The following ENOX1 variants were observed in gnomAD, a reference collection of about 807,000 sequenced individuals.
ENOX1 encodes the protein candidate growth-related and time keeping constitutive hydroquinone (NADH) oxidase.
In ENOX1, 42 loss-of-function variants were observed where a neutral mutation model predicts 82.5. The ratio of observed to expected loss-of-function variants is 0.51; its 90% CI spans 0.40 to 0.66. The LOEUF (loss-of-function observed/expected upper bound fraction) is 0.66. ENOX1 is among the 30% of genes least tolerant of loss of function. The probability of loss-of-function intolerance (pLI) is 0.00; values close to 1 mark genes in which losing one functional copy is unlikely to be tolerated. For synonymous variants in ENOX1, 271 were observed against 282.2 expected, an observed-to-expected ratio of 0.96 and a Z score of 0.40; for missense variants, 608 against 811.6, an observed-to-expected ratio of 0.75 and a Z score of 3.05.
chr13:43,441,302 A>G (rs559174279), intron 3 of ENOX1, among the ~76,000 whole-genome samples: 5 of 152,292 alleles, frequency 3.3e-5, no homozygotes, highest in African/African-American at 1.2e-4. Context: ...TTAACTAATG[A>G]CTCCAGTTAA....
intron 2 of ENOX1, among the ~76,000 whole-genome samples, chr13:43,641,682 G>A (rs1207867424): frequency 2.0e-5 from 3 of 151,408 alleles, no homozygotes; most frequent in South Asian, 2.1e-4. Context: ...ACAGGCACCC[G>A]CCACCATGTC....
chr13:43,442,752 G>A (rs548627505), intron 3 of ENOX1, among the ~76,000 whole-genome samples: 1 of 152,100 alleles, frequency 6.6e-6, no homozygotes, highest in Admixed American at 6.6e-5. Flanking sequence ...AGTTCTTCTT[G>A]CAAATCAAGG....
intron 1 of ENOX1, among the ~76,000 whole-genome samples, chr13:43,705,489 A>G (rs2087215656): frequency 6.6e-6 from 1 of 151,932 alleles, no homozygotes; most frequent in African/African-American, 2.4e-5. Context: ...GAATGAAAAA[A>G]ATACATCAAA....
chr13:43,548,833 G>C (rs201173109), intron 2 of ENOX1, among the ~76,000 whole-genome samples: 2 of 151,956 alleles, frequency 1.3e-5, no homozygotes, highest in East Asian at 3.9e-4. Context: ...CCACTTACCT[G>C]TTTCCTCCTC....
At position 43,213,575 on chromosome 13, in the gene ENOX1, CAG is replaced by C. The variant is rs2041299855; in HGVS notation, c.*413_*414del. The C allele has an allele frequency of 2.3e-5, 2 of 88,336 alleles. No homozygotes were observed. Among genetic ancestry groups the C allele is most frequent in the Non-Finnish European group, 4.2e-5 (2 of 47,656 alleles). 5.5% of individuals were successfully genotyped at this position (88,336 alleles called of 1,614,324 possible). On this transcript the variant is annotated 3_prime_UTR_variant, in exon 17 of 17. Coordinates refer to ENST00000690772, the MANE Select transcript of ENOX1 (RefSeq NM_001347969.2). ...TTTTTTTTTTTTTTTTTTACTAAAA[CAG>C]AAAGACTTTCAGGAAAATGTCATTT...
chr13:43,406,717 T>C (rs1158126721), intron 5 of ENOX1, among the ~76,000 whole-genome samples: 3 of 151,948 alleles, frequency 2.0e-5, no homozygotes, highest in Non-Finnish European at 4.4e-5. Context: ...ATAGTCTCAA[T>C]CTCCTGACCT....
At chr13:43,741,336 G>A (rs1478472101) in intron 1 of ENOX1, among the ~76,000 whole-genome samples, 4 of 152,068 alleles carry the variant, frequency 2.6e-5, no homozygotes, top group Non-Finnish European at 4.4e-5. Flanking sequence ...GCCCACCTCG[G>A]CCTCCCAAAG....
rs116066589 is a variant in ENOX1 at position 43,396,970 on chromosome 13, C to G, written c.208+14946G>C. 6.9e-3 allele frequency among the ~76,000 whole-genome samples: 1,045 copies of G among 152,268 alleles called. 11 individuals carry two copies. The highest frequency in any genetic ancestry group is 0.023 in the African/African-American group (945 of 41,556). The stretch of plus-strand genomic sequence containing the variant: ...GTGATAGAGCAGGGTAGGAGCAATA[C>G]CACCTCTCCAGGGCCCATGGCCCTG... On this transcript the variant is annotated intron_variant, in intron 5 of 16. Transcript: ENST00000690772.
chr13:43,460,469 T>G (rs2057417631), intron 3 of ENOX1, among the ~76,000 whole-genome samples: 1 of 152,084 alleles, frequency 6.6e-6, no homozygotes, highest in Non-Finnish European at 1.5e-5. Flanking sequence ...TGCCCAGTAA[T>G]AAGGAGTTTC....
intron 2 of ENOX1, among the ~76,000 whole-genome samples, chr13:43,517,277 A>G (rs2153680383): frequency 6.6e-6 from 1 of 152,232 alleles, no homozygotes; most frequent in East Asian, 1.9e-4. Context: ...CGGGTGGATC[A>G]CCTTGAGGTC....
Position 43,351,690 on chromosome 13 carries a change from T to C in ENOX1, c.823+4229A>G, listed in dbSNP as rs528418821. Among the ~76,000 whole-genome samples the C allele has an allele frequency of 1.8e-3, 276 of 149,540 alleles. 1 individual carries two copies. Among genetic ancestry groups the C allele is most frequent in the South Asian group, 4.3e-3 (20 of 4,606 alleles). On this transcript the variant is annotated intron_variant, in intron 8 of 16. Coordinates refer to ENST00000690772, the MANE Select transcript of ENOX1 (RefSeq NM_001347969.2). ...GAATATGCGGTGTTTGCTTTTTTGT[T>C]CTTGCGATAGTTTACTGAGAATGAT...
intron 2 of ENOX1, among the ~76,000 whole-genome samples, chr13:43,614,262 G>C (rs992028293): frequency 1.3e-4 from 20 of 152,154 alleles, no homozygotes; most frequent in Non-Finnish European, 1.8e-4. Flanking sequence ...AAAAACACTG[G>C]ATACAGTTAG....
At chr13:43,725,375 G>A (rs561955003) in intron 1 of ENOX1, among the ~76,000 whole-genome samples, 299 of 151,956 alleles carry the variant, frequency 2.0e-3, no homozygotes, top group Admixed American at 3.6e-3. Flanking sequence ...CTTTATAATC[G>A]TAGCCAAGCT....
intron 2 of ENOX1, among the ~76,000 whole-genome samples, chr13:43,553,974 C>G (rs768028211): frequency 6.6e-6 from 1 of 152,150 alleles, no homozygotes; most frequent in Non-Finnish European, 1.5e-5. Context: ...GTCTCGAACA[C>G]CTGAGTTCAA....
intron 3 of ENOX1, among the ~76,000 whole-genome samples, chr13:43,423,712 T>G (rs1335047493): frequency 2.6e-5 from 4 of 152,178 alleles, no homozygotes; most frequent in Non-Finnish European, 4.4e-5. Flanking sequence ...TCTTGGAAAG[T>G]GACTCTTCTA....
In ENOX1 at chr13:43,416,974, C is replaced by T. The variant is rs181509837; in HGVS notation, c.-74-3986G>A. On this transcript the variant is annotated intron_variant, in intron 3 of 16. Transcript: ENST00000690772. ...CTTCAATCCCAGCACCTCGGGAGGCCGGGGCGGGCAGATCACTCGAGGTCA... is the reference window on the plus strand; with the variant it reads ...CTTCAATCCCAGCACCTCGGGAGGCTGGGGCGGGCAGATCACTCGAGGTCA... Among the ~76,000 whole-genome samples, 219 of 152,284 alleles carry T rather than the reference C, an allele frequency of 1.4e-3. 7 individuals carry two copies. The East Asian group carries it at 0.032, about 23-fold the overall frequency.
chr13:43,710,445 G>A (rs776144007), intron 1 of ENOX1, among the ~76,000 whole-genome samples: 1 of 152,104 alleles, frequency 6.6e-6, no homozygotes, highest in Non-Finnish European at 1.5e-5. Flanking sequence ...CTAAGAATGA[G>A]GGTAACTTCC....
chr13:43,620,520 G>A (rs2082678336), intron 2 of ENOX1, among the ~76,000 whole-genome samples: 1 of 152,094 alleles, frequency 6.6e-6, no homozygotes, highest in African/African-American at 2.4e-5. Context: ...TCATTCAGGA[G>A]CTGGTTATTT....
chr13:43,702,049 A>G (rs1294611805), intron 1 of ENOX1, among the ~76,000 whole-genome samples: 2 of 152,156 alleles, frequency 1.3e-5, no homozygotes, highest in Non-Finnish European at 2.9e-5. Context: ...CTCCATCTCT[A>G]TAATTCTGTC....
Sources: allele counts gnomAD v4.1 joint callset (sites outside exome capture counted in the v4.1 genomes callset), GRCh38; gene constraint gnomAD v4.1.1; transcripts MANE v1.5; gene names NCBI Gene and HGNC (gene_info 2026-07-23, HGNC 2026-07-21).